MALAT1: variants seen among roughly 807,000 people sequenced by gnomAD.
MALAT1 encodes the protein metastasis associated lung adenocarcinoma transcript 1, also known as hepcarcin.
At chr11:65,500,781 C>T (rs1433659247) in exon 3 of MALAT1, 1 of 518,856 alleles carries the variant, frequency 1.9e-6, no homozygotes, top group South Asian at 1.4e-5. Flanking sequence ...TCCGTGAGGT[C>T]GGCAATATGT....
chr11:65,499,884 C>T lies in MALAT1; in HGVS notation n.1147C>T, dbSNP rs1328778183. 23 of 429,234 alleles carry T rather than the reference C, an allele frequency of 5.4e-5. No individual in the cohort carries two copies. The East Asian group carries it at 5.7e-4, about 11-fold the overall frequency. The allele number at this position is 429,234 out of a possible 1,614,324, so 26.6% of individuals were successfully genotyped here. ...ACAAGATAGAAAATGAAAATATTGT[C>T]AAGAGTTTCAGATAGAAAATGAAAA... On this transcript the variant is annotated non_coding_transcript_exon_variant, in exon 3 of 4. Transcript: ENST00000619449.
At chr11:65,503,948 T>C in intron 3 of MALAT1, 1 of 515,726 alleles carries the variant, frequency 1.9e-6, no homozygotes. Flanking sequence ...ACACATTTTA[T>C]TTCCAGAAAG....
chr11:65,500,248 T>TA, exon 3 of MALAT1: 1 of 518,384 alleles, frequency 1.9e-6, no homozygotes, highest in Non-Finnish European at 3.9e-6. Context: ...GCCTTAAATA[T>TA]AGTAGCTTAG....
At chr11:65,504,370 C>T (rs1328052320) in intron 3 of MALAT1, 1 of 517,158 alleles carries the variant, frequency 1.9e-6, no homozygotes, top group South Asian at 1.4e-5. Context: ...TCTGTCTGTT[C>T]TGTTGGCAAG....
chr11:65,504,419 G>A, intron 3 of MALAT1: 1 of 518,752 alleles, frequency 1.9e-6, no homozygotes, highest in Non-Finnish European at 3.8e-6. Flanking sequence ...CTATTAGAAT[G>A]CATTGTGAAA....
exon 3 of MALAT1, chr11:65,499,611 A>G (rs1293106631): frequency 2.2e-6 from 1 of 450,708 alleles, no homozygotes; most frequent in Non-Finnish European, 4.4e-6. Flanking sequence ...GGAAAGATTA[A>G]TTGGGAGTGG....
intron 3 of MALAT1, chr11:65,505,599 C>T (rs1190524805): frequency 1.9e-6 from 1 of 518,964 alleles, no homozygotes. Flanking sequence ...AGACCCTTCA[C>T]CCCTCACCTC....
chr11:65,500,296 TC>T, exon 3 of MALAT1: 1 of 518,926 alleles, frequency 1.9e-6, no homozygotes, highest in Non-Finnish European at 3.8e-6. Flanking sequence ...CGGAAGTAAT[TC>T]AAGATCAAGA....
In MALAT1 at chr11:65,497,763, T is replaced by A. The variant is rs748803033; in HGVS notation, n.76T>A. On this transcript the variant is annotated non_coding_transcript_exon_variant, in exon 1 of 4. Transcript: ENST00000619449. ...CGCAGCCTGCAGCCCGAGACTTCTG[T>A]AAAGGACTGGGGCCCCGCAACTGGC... 3.8e-5 allele frequency: 17 copies of A among 444,898 alleles called. No individual in the cohort carries two copies. The East Asian group carries it at 9.8e-4, about 26-fold the overall frequency. 27.6% of individuals were successfully genotyped at this position (444,898 alleles called of 1,614,324 possible).
At chr11:65,506,261 TG>T in exon 4 of MALAT1, 1 of 453,784 alleles carries the variant, frequency 2.2e-6, no homozygotes, top group Non-Finnish European at 4.2e-6. Flanking sequence ...TTTGGGGAGG[TG>T]GGAGGTAACA....
exon 3 of MALAT1, chr11:65,500,815 G>T (rs757523637): frequency 3.9e-6 from 2 of 518,902 alleles, no homozygotes; most frequent in South Asian, 1.4e-5. Flanking sequence ...CTTACTTATG[G>T]TAACCTTTTA....
In MALAT1 at chr11:65,499,448, G is replaced by A. The variant is rs116794446; in HGVS notation, n.711G>A. The A allele has an allele frequency of 1.4e-3, 656 of 471,894 alleles. 2 individuals are homozygous for A. The highest frequency in any genetic ancestry group is 0.012 in the African/African-American group (601 of 50,432). The allele number at this position is 471,894 out of a possible 1,614,324, so 29.2% of individuals were successfully genotyped here. A position where few individuals can be genotyped will look rare whatever the true frequency, so the allele number is the denominator to read the frequency against. On this transcript the variant is annotated non_coding_transcript_exon_variant, in exon 3 of 4. Coordinates refer to ENST00000619449, the Ensembl canonical transcript of MALAT1. ...GGTGACTTAAACAGCTTAAAGTTTA[G>A]TTTAAAAGTTGTAGGTGATTAAAAT... is the stretch of plus-strand genomic sequence containing the variant.
exon 3 of MALAT1, chr11:65,502,129 T>TA (rs758978889): frequency 3.9e-6 from 2 of 516,334 alleles, no homozygotes; most frequent in Non-Finnish European, 7.7e-6. Context: ...CATAATTTGA[T>TA]ACTGTATCTG....
chr11:65,505,566 C>G, intron 3 of MALAT1: 1 of 516,418 alleles, frequency 1.9e-6, no homozygotes, highest in Non-Finnish European at 3.9e-6. Flanking sequence ...CACATCGCCA[C>G]CCCGTGCCTT....
chr11:65,501,180 T>C (rs758467949), exon 3 of MALAT1: 13 of 512,086 alleles, frequency 2.5e-5, no homozygotes, highest in Non-Finnish European at 5.0e-5. Context: ...GTTTTGTAAA[T>C]GTAGAGTTTG....
exon 3 of MALAT1, chr11:65,501,168 T>C (rs756745363): frequency 9.7e-6 from 5 of 516,186 alleles, no homozygotes; most frequent in Non-Finnish European, 1.5e-5. Context: ...CACCCTGAAT[T>C]CGTTTTGTAA....
chr11:65,506,039 C>A, intron 3 of MALAT1: 2 of 450,126 alleles, frequency 4.4e-6, no homozygotes, highest in Non-Finnish European at 8.5e-6. Context: ...TTTTTCTTTT[C>A]CTGAGAAAAC....
chr11:65,504,327 C>T (rs776865321), intron 3 of MALAT1: 1 of 509,332 alleles, frequency 2.0e-6, no homozygotes, highest in African/African-American at 2.0e-5. Flanking sequence ...TTTTTACAGA[C>T]TTCACAGAGA....
intron 3 of MALAT1, chr11:65,505,426 C>CT (rs1565057299): frequency 3.9e-6 from 2 of 513,616 alleles, no homozygotes; most frequent in South Asian, 1.4e-5. Flanking sequence ...TATAGCAGCT[C>CT]TTAATAATAA....
Sources: gnomAD v4.1 joint callset for allele counts on GRCh38, gnomAD v4.1.1 for gene constraint, MANE v1.5 for transcripts, NCBI Gene and HGNC (gene_info 2026-07-23, HGNC 2026-07-21) for gene names.